Variants in HOMER1 observed in about 807,000 individuals in gnomAD.
The protein encoded by HOMER1 is homer protein homolog 1.
Under a neutral mutation model 48.9 loss-of-function variants are expected in HOMER1, and 3 were observed. The observed-to-expected ratio is 0.06, with a 90% CI of 0.03 to 0.16. HOMER1 has a LOEUF of 0.16. Ranked by LOEUF, HOMER1 falls within the 10% of genes least tolerant of loss-of-function variation. HOMER1 has a pLI of 1.00. For synonymous variants in HOMER1, 134 were observed against 146.4 expected (o/e 0.92, Z 0.61); for missense variants, 247 against 411.4 (o/e 0.60, Z 3.46).
At chr5:79,491,075 CAAAAAAAAAAAAAAAAA>C (rs10527802) in intron 1 of HOMER1, among the ~76,000 whole-genome samples, 41 of 37,248 alleles carry the variant, frequency 1.1e-3, no homozygotes, top group South Asian at 4.5e-3. Context: ...AGTACCAAAG[CAAAAAAAAAAAAAAAAA>C]AAAAAAAAAA....
At chr5:79,418,846 G>T (rs1310865823) in intron 5 of HOMER1, among the ~76,000 whole-genome samples, 1 of 152,104 alleles carries the variant, frequency 6.6e-6, no homozygotes, top group African/African-American at 2.4e-5. Flanking sequence ...TTTACAATTG[G>T]CTATATGCAG....
chr5:79,438,573 T>C (rs1417134881), intron 5 of HOMER1, among the ~76,000 whole-genome samples: 1 of 152,130 alleles, frequency 6.6e-6, no homozygotes, highest in African/African-American at 2.4e-5. Context: ...TCTCAAAGAC[T>C]ATGATAAAGC....
In HOMER1 at chr5:79,455,682, A is replaced by G. The variant is rs190939699; in HGVS notation, c.162+1180T>C. On this transcript the variant is annotated intron_variant, in intron 2 of 8. Coordinates refer to ENST00000334082, the MANE Select transcript of HOMER1 (RefSeq NM_004272.5). ...TTCAAACCAGTCAGTCTGGCTCTAC[A>G]GTGTGTGCACTTAACCCCTTCTTCA... 2.3e-3 allele frequency among the ~76,000 whole-genome samples: 357 copies of G among 152,368 alleles called. 1 individual carries two copies. The highest frequency in any genetic ancestry group is 8.5e-3 in the African/African-American group (354 of 41,588).
rs1197339884 is a variant in HOMER1, at chr5:79,500,238, T to TA, written c.5+12531dup. Among the ~76,000 whole-genome samples the TA allele has an allele frequency of 1.4e-4, 21 of 152,070 alleles. No homozygotes were observed. The South Asian group carries it at 2.5e-3, about 18-fold the overall frequency. On this transcript the variant is annotated intron_variant, in intron 1 of 8. Coordinates refer to ENST00000334082, the MANE Select transcript of HOMER1 (RefSeq NM_004272.5). ...TTCTATGTGGGTGAAGGATTACTAT[T>TA]AAAAAAAACCACAGCTATTTAATAT...
At chr5:79,457,663 G>T (rs997571618) in intron 1 of HOMER1, among the ~76,000 whole-genome samples, 1 of 152,058 alleles carries the variant, frequency 6.6e-6, no homozygotes, top group African/African-American at 2.4e-5. Flanking sequence ...TATTAAGCAA[G>T]GTGTCTTTAA....
At chr5:79,510,674 G>GT in intron 1 of HOMER1, 1 of 930,654 alleles carries the variant, frequency 1.1e-6, no homozygotes, top group Non-Finnish European at 1.7e-6. Flanking sequence ...GCCCAAGGAG[G>GT]TTAAGCCCAA....
chr5:79,429,853 C>G (rs1040572342), intron 5 of HOMER1, among the ~76,000 whole-genome samples: 2 of 152,036 alleles, frequency 1.3e-5, no homozygotes, highest in African/African-American at 4.8e-5. Context: ...GAAACCCCGT[C>G]TCTACTAAAA....
At chr5:79,508,333 A>G (rs1363648876) in intron 1 of HOMER1, among the ~76,000 whole-genome samples, 1 of 152,238 alleles carries the variant, frequency 6.6e-6, no homozygotes, top group East Asian at 1.9e-4. Context: ...ATACAAAGCA[A>G]GGGTATTATG....
intron 1 of HOMER1, among the ~76,000 whole-genome samples, chr5:79,461,349 A>G (rs10078223): frequency 0.63 from 95,873 of 151,516 alleles, 33,540 homozygotes; most frequent in East Asian, 0.99. Flanking sequence ...AAACTGTATA[A>G]AACTCATAAA....
At chr5:79,511,589 T>C (rs79752820) in intron 1 of HOMER1, among the ~76,000 whole-genome samples, 136 of 152,340 alleles carry the variant, frequency 8.9e-4, no homozygotes, top group Non-Finnish European at 1.9e-3. Context: ...CTCTTAGCGG[T>C]ACCCCCAAAT....
At chr5:79,436,084 C>T (rs184602844) in intron 5 of HOMER1, among the ~76,000 whole-genome samples, 71 of 147,228 alleles carry the variant, frequency 4.8e-4, no homozygotes, top group African/African-American at 4.2e-4. Flanking sequence ...CGAGATTGCG[C>T]CACTGCAGTC....
intron 5 of HOMER1, among the ~76,000 whole-genome samples, chr5:79,411,817 A>T (rs539154529): frequency 6.6e-6 from 1 of 152,288 alleles, no homozygotes; most frequent in African/African-American, 2.4e-5. Context: ...CTTTCAAAAA[A>T]CAATTTAAAA....
intron 5 of HOMER1, among the ~76,000 whole-genome samples, chr5:79,419,537 G>C (rs932449107): frequency 6.6e-6 from 1 of 151,582 alleles, no homozygotes; most frequent in African/African-American, 2.4e-5. Context: ...CTTTCAACCA[G>C]TTAAATTATA....
At chr5:79,507,801 A>T (rs532266640) in intron 1 of HOMER1, among the ~76,000 whole-genome samples, 55 of 152,258 alleles carry the variant, frequency 3.6e-4, no homozygotes, top group Admixed American at 6.5e-4. Flanking sequence ...ACTCAAAACT[A>T]TAAACTATGA....
chr5:79,409,077 G>C (rs1749743970), intron 5 of HOMER1, among the ~76,000 whole-genome samples: 1 of 48,142 alleles, frequency 2.1e-5, no homozygotes, highest in Non-Finnish European at 3.1e-5. Flanking sequence ...GCAAGATTTT[G>C]TCTTGAGAAA....
chr5:79,433,957 G>C (rs1301137807), intron 5 of HOMER1, among the ~76,000 whole-genome samples: 1 of 152,114 alleles, frequency 6.6e-6, no homozygotes, highest in African/African-American at 2.4e-5. Context: ...TAACAGAATA[G>C]AAGGTACATG....
intron 1 of HOMER1, among the ~76,000 whole-genome samples, chr5:79,483,185 T>C (rs1270824439): frequency 6.6e-6 from 1 of 152,086 alleles, no homozygotes; most frequent in Non-Finnish European, 1.5e-5. Flanking sequence ...TTAAGCACAG[T>C]CTTGGGTTAT....
intron 5 of HOMER1, among the ~76,000 whole-genome samples, chr5:79,403,809 G>A (rs988394963): frequency 9.9e-5 from 15 of 152,122 alleles, no homozygotes; most frequent in African/African-American, 3.6e-4. Context: ...TTTTCTATAA[G>A]TCTAAAATTA....
At chr5:79,442,472 T>C (rs1254358216) in intron 4 of HOMER1, among the ~76,000 whole-genome samples, 1 of 152,176 alleles carries the variant, frequency 6.6e-6, no homozygotes, top group East Asian at 1.9e-4. Flanking sequence ...AGGACAAGCC[T>C]TTAGGGTGGT....
Sources: gnomAD v4.1 joint callset for allele counts (sites outside exome capture counted in the v4.1 genomes callset) on GRCh38, gnomAD v4.1.1 for gene constraint, MANE v1.5 for transcripts, NCBI Gene and HGNC (gene_info 2026-07-23, HGNC 2026-07-21) for gene names.